Variants in TNPO1 observed in about 807,000 individuals in gnomAD.
TNPO1 encodes transportin 1, also known as transportin-1.
Under a neutral mutation model 119.5 loss-of-function variants are expected in TNPO1, and 8 were observed. That is an observed-to-expected ratio of 0.07 (90% CI 0.04 to 0.12). The LOEUF (loss-of-function observed/expected upper bound fraction) is 0.12, where lower values mean the gene tolerates loss of function less well. TNPO1 is among the 10% of genes least tolerant of loss of function. The pLI, the probability that TNPO1 is intolerant of heterozygous loss-of-function variation, is 1.00. For missense variants in TNPO1, 576 were observed against 1,089.8 expected, an observed-to-expected ratio of 0.53 and a Z score of 6.64; for synonymous variants, 362 against 363.0, an observed-to-expected ratio of 1.00 and a Z score of 0.03.
chr5:72,909,068 A>G lies in TNPO1; in HGVS notation c.*395A>G, dbSNP rs1750375882. ...AGGGACAAGAAAGAGGAACAATTCT[A>G]TAGCGCACAATAAAGGAAACCTAAG... is the stretch of plus-strand genomic sequence containing the variant. On this transcript the variant is annotated 3_prime_UTR_variant, in exon 25 of 25. Transcript: ENST00000337273. 1 of 180,626 alleles carries G rather than the reference A, an allele frequency of 5.5e-6. No homozygotes were observed. The highest frequency in any genetic ancestry group is 1.2e-5 in the Non-Finnish European group (1 of 83,004). 11.2% of individuals were successfully genotyped at this position (180,626 alleles called of 1,614,324 possible).
intron 6 of TNPO1, among the ~76,000 whole-genome samples, chr5:72,869,507 A>G (rs537077428): frequency 1.1e-4 from 17 of 152,206 alleles, no homozygotes; most frequent in Non-Finnish European, 2.1e-4. Flanking sequence ...ACATTGCGCC[A>G]CTGCACTCCC....
chr5:72,889,764 C>A, intron 13 of TNPO1, 22 bp from the exon 14 acceptor site: 1 of 1,315,746 alleles, frequency 7.6e-7, no homozygotes, highest in Non-Finnish European at 1.0e-6. Context: ...AATAAGTATT[C>A]TTTTTTTTTT....
At chr5:72,825,089 A>T (rs155431) in intron 1 of TNPO1, among the ~76,000 whole-genome samples, 26,739 of 152,046 alleles carry the variant, frequency 0.18, 2,582 homozygotes, top group South Asian at 0.25. Context: ...CGAAAATCCT[A>T]TCATGCCTCA....
Position 72,872,702 on chromosome 5 carries a change from C to A in TNPO1, c.660C>A (p.His220Gln). 6.2e-7 allele frequency: 1 copy of A among 1,607,618 alleles called. No homozygotes were observed. The highest frequency in any genetic ancestry group is 8.5e-7 in the Non-Finnish European group (1 of 1,176,844). ...IISRTQALML[H>Q]IDSFIENLFA... Reference sequence around the variant, plus strand: ...GTAGGACTCAAGCTCTAATGTTGCACATTGATTCTTTTATTGAGGTAAGAC... The same window carrying A: ...GTAGGACTCAAGCTCTAATGTTGCAAATTGATTCTTTTATTGAGGTAAGAC... The change falls in exon 7 of 25, where the codon CAC (histidine) becomes CAA (glutamine). Residue 220 changes from histidine to glutamine, a missense_variant. This residue lies in a region of TNPO1 where 310 missense variants were observed against 583.0 expected (regional missense o/e 0.53). Coordinates refer to ENST00000337273, the MANE Select transcript of TNPO1 (RefSeq NM_002270.4).
intron 1 of TNPO1, among the ~76,000 whole-genome samples, chr5:72,818,249 G>T (rs1743788916): frequency 6.6e-6 from 1 of 152,130 alleles, no homozygotes; most frequent in African/African-American, 2.4e-5. Context: ...TAAAAATCTT[G>T]TTTGCACTTC....
Position 72,909,008 on chromosome 5 carries a change from A to G in TNPO1, c.*335A>G, listed in dbSNP as rs1371236059. On this transcript the variant is annotated 3_prime_UTR_variant, in exon 25 of 25. Coordinates refer to ENST00000337273, the MANE Select transcript of TNPO1 (RefSeq NM_002270.4). ...AGTACATTGTGGAATATTATGGGGAATTGTACCAAAACAAGAACCATATAA... is the reference window on the plus strand; with the variant it reads ...AGTACATTGTGGAATATTATGGGGAGTTGTACCAAAACAAGAACCATATAA... 2.7e-6 allele frequency: 1 copy of G among 375,498 alleles called. No homozygotes were observed. The highest frequency in any genetic ancestry group is 5.4e-6 in the Non-Finnish European group (1 of 186,834). 23.3% of individuals were successfully genotyped at this position (375,498 alleles called of 1,614,324 possible).
intron 8 of TNPO1, among the ~76,000 whole-genome samples, chr5:72,876,453 A>G (rs544832719): frequency 9.2e-5 from 14 of 152,228 alleles, no homozygotes; most frequent in Non-Finnish European, 1.9e-4. Context: ...GTTGAGAATT[A>G]CAAATTATAT....
intron 6 of TNPO1, among the ~76,000 whole-genome samples, chr5:72,866,927 C>T (rs750873679): frequency 5.3e-5 from 8 of 151,946 alleles, no homozygotes; most frequent in African/African-American, 1.9e-4. Context: ...AAAATCACAG[C>T]GCTTTGGGAG....
chr5:72,868,719 T>C (rs1747144935), intron 6 of TNPO1, among the ~76,000 whole-genome samples: 2 of 151,702 alleles, frequency 1.3e-5, no homozygotes, highest in Admixed American at 6.6e-5. Context: ...AAAATTGGAG[T>C]GTTTGAGGCT....
intron 24 of TNPO1, among the ~76,000 whole-genome samples, chr5:72,908,353 T>C (rs1240723945): frequency 6.6e-6 from 1 of 152,196 alleles, no homozygotes; most frequent in Non-Finnish European, 1.5e-5. Flanking sequence ...CCACTTGTTA[T>C]ATAAGAAATA....
At chr5:72,878,159 G>A (rs980455161) in intron 9 of TNPO1, among the ~76,000 whole-genome samples, 10 of 152,136 alleles carry the variant, frequency 6.6e-5, no homozygotes, top group African/African-American at 2.4e-4. Flanking sequence ...TAGAGAGAGA[G>A]AGAGAGACTG....
intron 1 of TNPO1, among the ~76,000 whole-genome samples, chr5:72,828,065 T>C (rs1387315432): frequency 6.6e-6 from 1 of 152,034 alleles, no homozygotes; most frequent in Non-Finnish European, 1.5e-5. Context: ...ATTATATAGA[T>C]AGTGAATAGA....
At chr5:72,903,869 A>T in intron 23 of TNPO1, 86 bp downstream of exon 23, 2 of 891,586 alleles carry the variant, frequency 2.2e-6, no homozygotes, top group Non-Finnish European at 3.5e-6. Flanking sequence ...ATTTTTTGTG[A>T]AAGTTAGGCT....
Position 72,865,556 on chromosome 5 carries a change from T to C in TNPO1, c.463-40T>C. 1.9e-6 allele frequency: 3 copies of C among 1,606,036 alleles called. No homozygotes were observed. In the Admixed American group the frequency reaches 5.1e-5, roughly 27 times the overall value. On this transcript the variant is annotated intron_variant, in intron 5 of 24. Transcript: ENST00000337273. ...TTCAGTTTGTTTTCAAATGGCTTCATTTTTAACAAATTCTGATAATTTAAA... is the reference window on the plus strand; with the variant it reads ...TTCAGTTTGTTTTCAAATGGCTTCACTTTTAACAAATTCTGATAATTTAAA...
At chr5:72,901,824 T>C (rs1749816874) in intron 22 of TNPO1, among the ~76,000 whole-genome samples, 2 of 152,038 alleles carry the variant, frequency 1.3e-5, no homozygotes, top group South Asian at 2.1e-4. Context: ...ATCAAATCAA[T>C]TGAAAAACGT....
At chr5:72,831,623 T>G (rs886104012) in intron 1 of TNPO1, among the ~76,000 whole-genome samples, 4 of 152,008 alleles carry the variant, frequency 2.6e-5, no homozygotes, top group Non-Finnish European at 5.9e-5. Context: ...TCCTGTTATC[T>G]AAGTAAAACT....
At chr5:72,877,114 AAAAT>A in intron 8 of TNPO1, 110 bp from the exon 9 acceptor site, 2 of 513,926 alleles carry the variant, frequency 3.9e-6, no homozygotes, top group South Asian at 3.7e-5. Flanking sequence ...AAAAAAAAAA[AAAAT>A]TGCCTAGGTT....
intron 24 of TNPO1, among the ~76,000 whole-genome samples, chr5:72,907,849 G>T (rs1750277490): frequency 6.6e-6 from 1 of 151,752 alleles, no homozygotes; most frequent in Non-Finnish European, 1.5e-5. Flanking sequence ...TTTGAGACCT[G>T]CCTGGGCAAC....
chr5:72,818,290 T>G lies in TNPO1; in HGVS notation c.15+1538T>G, dbSNP rs754784289. 2.6e-4 allele frequency among the ~76,000 whole-genome samples: 40 copies of G among 152,354 alleles called. 1 individual carries two copies. The highest frequency in any genetic ancestry group is 6.8e-3 in the Middle Eastern group (2 of 294). On this transcript the variant is annotated intron_variant, in intron 1 of 24. Coordinates refer to ENST00000337273, the MANE Select transcript of TNPO1 (RefSeq NM_002270.4). ...CAACTCTCAGTGGCTTTATTACCAT[T>G]ATATAATGTGAGCAGAATAAGATTT...
Sources: allele counts gnomAD v4.1 joint callset (sites outside exome capture counted in the v4.1 genomes callset), GRCh38; gene constraint gnomAD v4.1.1; regional missense constraint gnomAD v4.1.1; transcripts MANE v1.5; gene names NCBI Gene and HGNC (gene_info 2026-07-23, HGNC 2026-07-21).